Variants in CTSB observed in about 807,000 individuals in gnomAD.
CTSB encodes APP secretase.
Under a neutral mutation model 44.3 loss-of-function variants are expected in CTSB, and 57 were observed. The ratio of observed to expected loss-of-function variants is 1.29; its 90% CI spans 1.04 to 1.60. The LOEUF is 1.60. Ranked by LOEUF, CTSB falls within the 40% of genes most tolerant of loss-of-function variation. The pLI is 0.00. For synonymous variants in CTSB, 320 were observed against 168.0 expected, an observed-to-expected ratio of 1.91 and a Z score of -7.00; for missense variants, 768 against 443.0, an observed-to-expected ratio of 1.73 and a Z score of -6.59.
At chr8:11,850,239 C>T (rs1263263818) in intron 4 of CTSB, among the ~76,000 whole-genome samples, 1 of 151,764 alleles carries the variant, frequency 6.6e-6, no homozygotes, top group Non-Finnish European at 1.5e-5. Context: ...TCCAACATGG[C>T]AAAACCCCAT....
intron 3 of CTSB, among the ~76,000 whole-genome samples, chr8:11,852,035 G>A (rs1228795666): frequency 6.6e-6 from 1 of 152,168 alleles, no homozygotes. Flanking sequence ...TGGGGACCCA[G>A]ACCTTGTCTG....
At chr8:11,864,094 C>T (rs951814146) in intron 1 of CTSB, among the ~76,000 whole-genome samples, 2 of 151,846 alleles carry the variant, frequency 1.3e-5, no homozygotes, top group Admixed American at 6.6e-5. Context: ...ATCTCACAAC[C>T]GTGAGTGAAA....
chr8:11,854,583 ACCTCCCAGGTTCTTAG>A (rs1226221009), intron 1 of CTSB: 2 of 115,984 alleles, frequency 1.7e-5, no homozygotes, highest in African/African-American at 6.6e-5. Flanking sequence ...TGCAGCCTCC[ACCTCCCAGGTTCTTAG>A]CCTCCCAAGT....
At chr8:11,855,870 T>C (rs1302895483) in intron 1 of CTSB, among the ~76,000 whole-genome samples, 1 of 151,864 alleles carries the variant, frequency 6.6e-6, no homozygotes, top group Non-Finnish European at 1.5e-5. Context: ...ATACAAAAAT[T>C]ACCCAGGTGT....
intron 8 of CTSB, chr8:11,846,091 G>A (rs1234016814): frequency 4.7e-6 from 1 of 211,202 alleles, no homozygotes; most frequent in Non-Finnish European, 9.4e-6. Context: ...AATGCTAGAT[G>A]ACTGATTCAT....
Position 11,853,764 on chromosome 8 carries a change from C to T in CTSB, c.-25-285G>A, listed in dbSNP as rs528147795. ...CAGGGCCTTCGCTGCTATTTTTAAACGGCCTTTGCATGGATTTGTAGAACA... is the reference window on the plus strand; with the variant it reads ...CAGGGCCTTCGCTGCTATTTTTAAATGGCCTTTGCATGGATTTGTAGAACA... On this transcript the variant is annotated intron_variant, in intron 1 of 9. Transcript: ENST00000353047. 146 of 306,382 alleles carry T rather than the reference C, an allele frequency of 4.8e-4. 1 individual carries two copies. Among genetic ancestry groups the T allele is most frequent in the Non-Finnish European group, 7.6e-4 (123 of 162,544 alleles). 19.0% of individuals were successfully genotyped at this position (306,382 alleles called of 1,614,324 possible). A position where few individuals can be genotyped will look rare whatever the true frequency, so the allele number is the denominator to read the frequency against.
intron 1 of CTSB, among the ~76,000 whole-genome samples, chr8:11,863,040 C>T (rs141137195): frequency 2.7e-4 from 41 of 152,328 alleles, no homozygotes; most frequent in African/African-American, 5.8e-4. Flanking sequence ...GGGCTGAGCA[C>T]AGTGGCTCAC....
At chr8:11,864,974 C>A (rs1238420172) in intron 1 of CTSB, among the ~76,000 whole-genome samples, 1 of 152,002 alleles carries the variant, frequency 6.6e-6, no homozygotes, top group Non-Finnish European at 1.5e-5. Flanking sequence ...AAACCTCCTA[C>A]CCCACACAAG....
At position 11,845,119 on chromosome 8, in the gene CTSB, G is replaced by A. The variant is rs377683342; in HGVS notation, c.*6C>T. On this transcript the variant is annotated 3_prime_UTR_variant, in exon 10 of 10. Coordinates refer to ENST00000353047, the MANE Select transcript of CTSB (RefSeq NM_001908.5). The stretch of plus-strand genomic sequence containing the variant: ...CCCAGGACTGGCACGACAGGCCCAC[G>A]GCAGATTAGATCTTTTCCCAGTACT... 29 of 1,604,402 alleles carry A rather than the reference G, an allele frequency of 1.8e-5. No homozygotes were observed. The highest frequency in any genetic ancestry group is 3.3e-4 in the Middle Eastern group (2 of 6,028).
intron 2 of CTSB, 25 bp downstream of exon 2, chr8:11,853,304 C>A (rs772833559): frequency 7.4e-6 from 12 of 1,611,916 alleles, no homozygotes; most frequent in African/African-American, 1.3e-5. Flanking sequence ...AGGGGACATA[C>A]ATAGGACGCA....
chr8:11,846,147 G>A (rs192259703), intron 8 of CTSB: 1 of 163,466 alleles, frequency 6.1e-6, no homozygotes, highest in East Asian at 1.9e-4. Context: ...TTTGTCAAAA[G>A]CGTTACACGG....
At chr8:11,849,476 G>A (rs1275980078) in intron 4 of CTSB, 3 of 200,894 alleles carry the variant, frequency 1.5e-5, no homozygotes, top group Non-Finnish European at 3.2e-5. Context: ...GCCCAACTCA[G>A]CTTTTAAAGC....
rs1041119685 is a variant in CTSB, at chr8:11,854,541, G to C, written c.-25-1062C>G. On this transcript the variant is annotated intron_variant, in intron 1 of 9. Coordinates refer to ENST00000353047, the MANE Select transcript of CTSB (RefSeq NM_001908.5). ...CTTGGTCTGTGGGCCATGTCACCCA[G>C]TCTGGGGTACAGTGGCACAATCTTG... The C allele has an allele frequency of 1.3e-5, 2 of 150,780 alleles. 1 individual carries two copies. Among genetic ancestry groups the C allele is most frequent in the Non-Finnish European group, 2.9e-5 (2 of 67,954 alleles). 9.3% of individuals were successfully genotyped at this position (150,780 alleles called of 1,614,324 possible). A position where few individuals can be genotyped will look rare whatever the true frequency, so the allele number is the denominator to read the frequency against.
chr8:11,853,250 C>T, intron 2 of CTSB, 79 bp downstream of exon 2: 1 of 1,563,476 alleles, frequency 6.4e-7, no homozygotes, highest in Non-Finnish European at 8.7e-7. Context: ...ACAGTGAGGG[C>T]TGGCTTCCCA....
chr8:11,843,541 T>G lies in CTSB; in HGVS notation c.*1584A>C, dbSNP rs555857997. ...GGGCTATGCAAAGCACTAGAGTTCC[T>G]GACCAGCAATGCAAACCAGTGGCAT... On this transcript the variant is annotated 3_prime_UTR_variant, in exon 10 of 10. Coordinates refer to ENST00000353047, the MANE Select transcript of CTSB (RefSeq NM_001908.5). 6.6e-6 allele frequency: 1 copy of G among 152,376 alleles called. No homozygotes were observed. Among genetic ancestry groups the G allele is most frequent in the South Asian group, 2.1e-4 (1 of 4,834 alleles). The allele number at this position is 152,376 out of a possible 1,614,324, so 9.4% of individuals were successfully genotyped here.
rs781651558 is a variant in CTSB at position 11,852,989 on chromosome 8, CAG to C, written c.127-296_127-295del. Among the ~76,000 whole-genome samples the C allele has an allele frequency of 1.3e-4, 20 of 152,268 alleles. No individual in the cohort carries two copies. In the East Asian group the frequency reaches 1.9e-3, roughly 15 times the overall value. On this transcript the variant is annotated intron_variant, in intron 2 of 9. Coordinates refer to ENST00000353047, the MANE Select transcript of CTSB (RefSeq NM_001908.5). Reference sequence around the variant, plus strand: ...AGGGCTGGGCAGAGACAAAGGGAATCAGGGGCGGGACTGATAAACTGCCACTG... The same window carrying C: ...AGGGCTGGGCAGAGACAAAGGGAATCGGGCGGGACTGATAAACTGCCACTG...
chr8:11,855,258 G>A (rs958516695), intron 1 of CTSB, among the ~76,000 whole-genome samples: 2 of 152,166 alleles, frequency 1.3e-5, no homozygotes, highest in Non-Finnish European at 2.9e-5. Flanking sequence ...CTGACCTCGT[G>A]ATCCACCTGA....
intron 4 of CTSB, 76 bp downstream of exon 4, chr8:11,850,790 C>T (rs1814443512): frequency 2.9e-6 from 3 of 1,042,598 alleles, no homozygotes; most frequent in South Asian, 2.8e-5. Context: ...TTGTCCCCAC[C>T]CCGAATCCCC....
In CTSB at chr8:11,848,113, C is replaced by G. The variant is rs778874665; in HGVS notation, c.486G>C (p.Trp162Cys). 2 of 1,614,148 alleles carry G rather than the reference C, an allele frequency of 1.2e-6. No homozygotes were observed. Among genetic ancestry groups the G allele is most frequent in the South Asian group, 2.2e-5 (2 of 91,088 alleles). Residue 162 changes from tryptophan (W) to cysteine (C), a missense_variant, in exon 6 of 10, where the codon TGG (tryptophan) becomes TGC (cysteine). Transcript: ENST00000353047. ...CACCAGAAACCAGGCCTTTTCTTGTCCAGAAGTTCCAAGCTTCAGCAGGAT... is the reference window on the plus strand; with the variant it reads ...CACCAGAAACCAGGCCTTTTCTTGTGCAGAAGTTCCAAGCTTCAGCAGGAT... ...GGYPAEAWNF[W>C]TRKGLVSGGL... is the part of the protein sequence containing the mutation.
Sources: allele counts gnomAD v4.1 joint callset (sites outside exome capture counted in the v4.1 genomes callset), GRCh38; gene constraint gnomAD v4.1.1; transcripts MANE v1.5; gene names NCBI Gene and HGNC (gene_info 2026-07-23, HGNC 2026-07-21).